Variants in EP300 observed in about 807,000 individuals in gnomAD.
EP300 encodes EP300 lysine acetyltransferase, also known as histone acetyltransferase p300.
A neutral mutation model predicts 264.0 loss-of-function variants in EP300; 31 were observed. The ratio of observed to expected loss-of-function variants is 0.12; its 90% CI spans 0.09 to 0.16. The LOEUF is 0.16. Among genes scored for constraint, EP300 ranks in the 10% least tolerant of loss-of-function variants. The pLI, the probability that EP300 is intolerant of heterozygous loss-of-function variation, is 1.00. For missense variants in EP300, 2,766 were observed against 3,052.9 expected (o/e 0.91, Z 2.21); for synonymous variants, 1,340 against 1,045.4 (o/e 1.28, Z -5.44).
intron 4 of EP300, among the ~76,000 whole-genome samples, chr22:41,129,590 A>G (rs1307159876): frequency 2.0e-5 from 3 of 152,218 alleles, no homozygotes; most frequent in Admixed American, 1.3e-4. Flanking sequence ...TTTAGAGTAC[A>G]TTTGCTTAGA....
At chr22:41,143,582 TTTG>T (rs1350306934) in intron 10 of EP300, among the ~76,000 whole-genome samples, 2 of 152,134 alleles carry the variant, frequency 1.3e-5, no homozygotes, top group Non-Finnish European at 2.9e-5. Flanking sequence ...TGGTTTTGTT[TTTG>T]TTTTTTTTTT....
At chr22:41,137,868 T>C in intron 8 of EP300, 78 bp downstream of exon 8, 1 of 1,597,794 alleles carries the variant, frequency 6.3e-7, no homozygotes, top group Non-Finnish European at 8.6e-7. Flanking sequence ...GGCATTTAAT[T>C]ACTAAAGGAA....
Position 41,093,192 on chromosome 22 carries a change from C to T in EP300, c.94+94C>T, listed in dbSNP as rs1201445784. ...CCATTTTTTTTTTCTTCCTCTCTCT[C>T]TAGTTCCCTGCCCCTTAATTAATTT... is the stretch of plus-strand genomic sequence containing the variant. On this transcript the variant is annotated intron_variant, in intron 1 of 30. Transcript: ENST00000263253. The T allele has an allele frequency of 6.5e-6, 8 of 1,224,038 alleles. No homozygotes were observed. The African/African-American group carries it at 7.6e-5, about 12-fold the overall frequency. 75.8% of individuals were successfully genotyped at this position (1,224,038 alleles called of 1,614,324 possible).
chr22:41,170,919 T>C (rs1321258000), intron 27 of EP300, among the ~76,000 whole-genome samples: 5 of 150,906 alleles, frequency 3.3e-5, no homozygotes, highest in African/African-American at 1.2e-4. Flanking sequence ...CGCCTTGGCC[T>C]CCCAAAGTGC....
At chr22:41,135,726 T>A (rs1370575170) in intron 6 of EP300, 87 bp from the exon 7 acceptor site, 5 of 1,071,088 alleles carry the variant, frequency 4.7e-6, no homozygotes, top group African/African-American at 1.6e-5. Flanking sequence ...TTTTTCTGAT[T>A]TGTCATTTGT....
chr22:41,105,500 G>C (rs1282945324), intron 1 of EP300, among the ~76,000 whole-genome samples: 1 of 151,878 alleles, frequency 6.6e-6, no homozygotes, highest in Non-Finnish European at 1.5e-5. Flanking sequence ...CCGGGTTCAA[G>C]CGATTCTCCT....
At chr22:41,144,627 A>C (rs951965796) in intron 10 of EP300, among the ~76,000 whole-genome samples, 3 of 151,902 alleles carry the variant, frequency 2.0e-5, no homozygotes, top group Admixed American at 6.6e-5. Flanking sequence ...AAAATGCTGA[A>C]ATTACAGGTG....
At position 41,178,978 on chromosome 22, in the gene EP300, GAGCAAAAAAATTATTT is replaced by G; in HGVS notation, c.*23_*38del. The G allele has an allele frequency of 6.2e-7, 1 of 1,610,780 alleles. No individual in the cohort carries two copies. The highest frequency in any genetic ancestry group is 8.5e-7 in the Non-Finnish European group (1 of 1,179,494). ...CTAGAGACACCTTGTAGTATTTTGG[GAGCAAAAAAATTATTT>G]TCTCTTAACAAGACTTTTTGTACTG... On this transcript the variant is annotated 3_prime_UTR_variant, in exon 31 of 31. Transcript: ENST00000263253.
intron 1 of EP300, among the ~76,000 whole-genome samples, chr22:41,094,483 C>G (rs1301795946): frequency 6.6e-6 from 1 of 152,150 alleles, no homozygotes; most frequent in Non-Finnish European, 1.5e-5. Context: ...CTTGCGAGTT[C>G]CTCTACCTAA....
rs1024222035 is a variant in EP300, at chr22:41,173,617, C to T, written c.4618-6C>T. On this transcript the variant is annotated splice_polypyrimidine_tract_variant and splice_region_variant and intron_variant, in intron 28 of 30. Coordinates refer to ENST00000263253, the MANE Select transcript of EP300 (RefSeq NM_001429.4). ...ATTTTCTTGTCTCCTTTGTGCTACT[C>T]TGCAGGTGACCAAGGGAGACAGCAA... 6.2e-7 allele frequency: 1 copy of T among 1,614,036 alleles called. No individual in the cohort carries two copies. Among genetic ancestry groups the T allele is most frequent in the Non-Finnish European group, 8.5e-7 (1 of 1,179,972 alleles).
At chr22:41,165,762 A>G (rs954021824) in intron 22 of EP300, among the ~76,000 whole-genome samples, 2 of 151,100 alleles carry the variant, frequency 1.3e-5, no homozygotes, top group African/African-American at 4.9e-5. Context: ...TAATTTTTGT[A>G]TTTTGTTATA....
chr22:41,138,304 C>T (rs1296697791), intron 8 of EP300, among the ~76,000 whole-genome samples: 1 of 152,174 alleles, frequency 6.6e-6, no homozygotes, highest in Non-Finnish European at 1.5e-5. Context: ...GCTGGGACTA[C>T]AGGCACGTGC....
intron 17 of EP300, 138 bp downstream of exon 17, chr22:41,155,251 A>T: frequency 1.3e-6 from 1 of 789,020 alleles, no homozygotes; most frequent in South Asian, 1.5e-5. Flanking sequence ...CCCCTGAGAC[A>T]GGGTCTTATT....
At chr22:41,114,530 T>C (rs917376585) in intron 1 of EP300, among the ~76,000 whole-genome samples, 1 of 152,040 alleles carries the variant, frequency 6.6e-6, no homozygotes, top group Non-Finnish European at 1.5e-5. Context: ...AAGGAAAGAG[T>C]AATTCTGTAA....
intron 1 of EP300, among the ~76,000 whole-genome samples, chr22:41,096,338 T>C (rs1435417218): frequency 2.6e-5 from 4 of 152,132 alleles, no homozygotes; most frequent in Admixed American, 6.6e-5. Context: ...TGAACACGTT[T>C]TGTCACTGCT....
chr22:41,118,116 T>C (rs1474327147), intron 2 of EP300, among the ~76,000 whole-genome samples: 1 of 152,234 alleles, frequency 6.6e-6, no homozygotes, highest in Non-Finnish European at 1.5e-5. Context: ...AGCCTCCTTA[T>C]AAAATTACAG....
intron 25 of EP300, 84 bp from the exon 26 acceptor site, chr22:41,169,419 G>A: frequency 1.2e-6 from 1 of 832,960 alleles, no homozygotes; most frequent in South Asian, 1.4e-5. Flanking sequence ...GAGAGTGAGA[G>A]GGTGTTATTA....
chr22:41,125,463 A>C (rs1224020152), intron 2 of EP300, among the ~76,000 whole-genome samples: 1 of 150,524 alleles, frequency 6.6e-6, no homozygotes, highest in African/African-American at 2.4e-5. Flanking sequence ...ATGGGTTTTC[A>C]CCATGTTCCC....
chr22:41,141,417 G>C (rs1327130617), intron 10 of EP300, among the ~76,000 whole-genome samples, 195 bp downstream of exon 10: 2 of 152,296 alleles, frequency 1.3e-5, no homozygotes, highest in Non-Finnish European at 1.5e-5. Context: ...TCTGGGCATG[G>C]TACTTAACAT....
Sources: allele counts gnomAD v4.1 joint callset (sites outside exome capture counted in the v4.1 genomes callset), GRCh38; gene constraint gnomAD v4.1.1; transcripts MANE v1.5; gene names NCBI Gene and HGNC (gene_info 2026-07-23, HGNC 2026-07-21).